The following EPHA6 variants were observed in gnomAD, a reference collection of about 807,000 sequenced individuals.
EPHA6 encodes EPH receptor A6.
EPHA6 carries 50 observed loss-of-function variants against 112.0 expected under a neutral mutation model. The ratio of observed to expected loss-of-function variants is 0.45; its 90% CI spans 0.36 to 0.56. EPHA6 has a LOEUF of 0.56. EPHA6 is among the 20% of genes least tolerant of loss of function. The pLI is 0.00. For synonymous variants in EPHA6, 529 were observed against 490.7 expected, an observed-to-expected ratio of 1.08 and a Z score of -1.03; for missense variants, 1,280 against 1,417.4, an observed-to-expected ratio of 0.90 and a Z score of 1.56.
intron 3 of EPHA6, chr3:97,010,116 G>T (rs2044033206): frequency 1.6e-6 from 2 of 1,254,084 alleles, no homozygotes; most frequent in African/African-American, 1.6e-5. Context: ...ATATTAAACG[G>T]TTACATTTAC....
intron 5 of EPHA6, among the ~76,000 whole-genome samples, chr3:97,382,897 G>T (rs894213671): frequency 6.6e-6 from 1 of 151,986 alleles, no homozygotes; most frequent in African/African-American, 2.4e-5. Flanking sequence ...TGTATCTACA[G>T]AAAATAATAA....
At chr3:96,985,888 C>T (rs1242143929) in intron 2 of EPHA6, among the ~76,000 whole-genome samples, 1 of 152,078 alleles carries the variant, frequency 6.6e-6, no homozygotes, top group Non-Finnish European at 1.5e-5. Context: ...TTTAGTAACT[C>T]TCTATAGCCA....
chr3:97,083,807 G>T (rs1395646245), intron 3 of EPHA6, among the ~76,000 whole-genome samples: 1 of 151,688 alleles, frequency 6.6e-6, no homozygotes, highest in Non-Finnish European at 1.5e-5. Context: ...ATCATTATTT[G>T]TAATAGTTAA....
In EPHA6 at chr3:97,760,854, A is replaced by G. The variant is rs1013730240; in HGVS notation, c.*12153A>G. 13 of 188,370 alleles carry G rather than the reference A, an allele frequency of 6.9e-5. No individual in the cohort carries two copies. The highest frequency in any genetic ancestry group is 1.9e-3 in the Middle Eastern group (1 of 532). The allele number at this position is 188,370 out of a possible 1,614,324, so 11.7% of individuals were successfully genotyped here. ...ATATGATTTTTAAAGCATCATTGTAACTTGTCATGAAGCTATTTATTATTA... is the reference window on the plus strand; with the variant it reads ...ATATGATTTTTAAAGCATCATTGTAGCTTGTCATGAAGCTATTTATTATTA... On this transcript the variant is annotated 3_prime_UTR_variant, in exon 18 of 18. Transcript: ENST00000389672.
intron 15 of EPHA6, among the ~76,000 whole-genome samples, chr3:97,725,088 G>T (rs746265143): frequency 1.2e-4 from 18 of 152,094 alleles, no homozygotes; most frequent in Non-Finnish European, 2.4e-4. Flanking sequence ...CTAAGAAGGT[G>T]GTCCAGCATT....
chr3:96,994,707 GTGTA>G lies in EPHA6; in HGVS notation c.1114+6716_1114+6719del, dbSNP rs1339356450. Among the ~76,000 whole-genome samples the G allele has an allele frequency of 7.4e-4, 69 of 93,256 alleles. 1 individual carries two copies. Among genetic ancestry groups the G allele is most frequent in the South Asian group, 1.8e-3 (6 of 3,404 alleles). The allele number at this position is 93,256 out of a possible 152,430, so 61.2% of individuals were successfully genotyped here. ...TGTGTGTGTGTATGTGTGTGTGTGTGTGTATATATATATATATATATATATAGAG... is the reference window on the plus strand; with the variant it reads ...TGTGTGTGTGTATGTGTGTGTGTGTGTATATATATATATATATATATAGAG... On this transcript the variant is annotated intron_variant, in intron 3 of 17. Transcript: ENST00000389672.
chr3:97,548,048 A>G (rs1428251449), intron 11 of EPHA6, among the ~76,000 whole-genome samples: 1 of 148,344 alleles, frequency 6.7e-6, no homozygotes, highest in Non-Finnish European at 1.5e-5. Context: ...GCTTTGGCTC[A>G]TGCACGGTGC....
intron 3 of EPHA6, among the ~76,000 whole-genome samples, chr3:97,095,099 C>T (rs2047194403): frequency 6.6e-6 from 1 of 152,010 alleles, no homozygotes; most frequent in African/African-American, 2.4e-5. Context: ...ATACGGAAAA[C>T]TGGCAATCTG....
intron 2 of EPHA6, among the ~76,000 whole-genome samples, chr3:96,962,474 ACTGGGAATTG>A (rs1157835927): frequency 6.7e-6 from 1 of 149,110 alleles, no homozygotes; most frequent in Non-Finnish European, 1.5e-5. Context: ...TCCAGTTCTC[ACTGGGAATTG>A]CTCCCAGTTC....
At chr3:97,280,627 T>C (rs1009235719) in intron 5 of EPHA6, among the ~76,000 whole-genome samples, 1 of 152,214 alleles carries the variant, frequency 6.6e-6, no homozygotes, top group African/African-American at 2.4e-5. Flanking sequence ...CAGAACCTGG[T>C]GTGTCAATAA....
chr3:97,507,963 A>G (rs932126994), intron 10 of EPHA6, among the ~76,000 whole-genome samples: 1 of 152,056 alleles, frequency 6.6e-6, no homozygotes, highest in Admixed American at 6.6e-5. Context: ...CATTTATAGT[A>G]TTCTCTGATG....
chr3:96,875,306 C>T (rs536288528), intron 2 of EPHA6, among the ~76,000 whole-genome samples: 23 of 152,140 alleles, frequency 1.5e-4, no homozygotes, highest in African/African-American at 5.3e-4. Context: ...CCAGGTAGTG[C>T]AGAGAAACAG....
intron 14 of EPHA6, chr3:97,648,298 ACT>A (rs1169432705): frequency 2.7e-5 from 34 of 1,258,716 alleles, no homozygotes; most frequent in Non-Finnish European, 3.7e-5. Flanking sequence ...CCTCTTCCAA[ACT>A]CTAACACTTA....
At chr3:97,667,626 T>G (rs1392318908) in intron 14 of EPHA6, among the ~76,000 whole-genome samples, 1 of 152,218 alleles carries the variant, frequency 6.6e-6, no homozygotes, top group African/African-American at 2.4e-5. Flanking sequence ...ACAATACATT[T>G]GAACATCTTT....
At chr3:96,816,861 T>C (rs1379736453) in intron 1 of EPHA6, among the ~76,000 whole-genome samples, 1 of 152,052 alleles carries the variant, frequency 6.6e-6, no homozygotes, top group African/African-American at 2.4e-5. Flanking sequence ...TATTAACCTC[T>C]TCCAGTAATT....
intron 5 of EPHA6, among the ~76,000 whole-genome samples, chr3:97,274,912 G>GT (rs1490611834): frequency 2.0e-5 from 3 of 152,200 alleles, no homozygotes; most frequent in African/African-American, 7.2e-5. Context: ...CAAAGAGTGA[G>GT]TATAGCTGAA....
At chr3:97,300,091 G>A (rs974823370) in intron 5 of EPHA6, among the ~76,000 whole-genome samples, 4 of 152,098 alleles carry the variant, frequency 2.6e-5, no homozygotes, top group African/African-American at 4.8e-5. Context: ...GGATTAACAA[G>A]TGTTCATAAC....
chr3:97,607,301 TCTTATGATTATATA>T, intron 12 of EPHA6, among the ~76,000 whole-genome samples: 1 of 151,118 alleles, frequency 6.6e-6, no homozygotes, highest in South Asian at 2.1e-4. Flanking sequence ...AAAAGTGTAG[TCTTATGATTATATA>T]GTTTATCCAC....
At chr3:97,615,361 G>A (rs564162313) in intron 13 of EPHA6, among the ~76,000 whole-genome samples, 24 of 152,234 alleles carry the variant, frequency 1.6e-4, no homozygotes, top group African/African-American at 3.4e-4. Context: ...CTTTATATAC[G>A]TGGGCTCTGG....
Sources: gnomAD v4.1 joint callset for allele counts (sites outside exome capture counted in the v4.1 genomes callset) on GRCh38, gnomAD v4.1.1 for gene constraint, MANE v1.5 for transcripts, NCBI Gene and HGNC (gene_info 2026-07-23, HGNC 2026-07-21) for gene names.